The following CTNNBL1 variants were observed in gnomAD, a reference collection of about 807,000 sequenced individuals.
CTNNBL1 encodes catenin beta like 1, also known as beta-catenin-like protein 1.
A neutral mutation model predicts 72.7 loss-of-function variants in CTNNBL1; 31 were observed. The observed-to-expected ratio is 0.43, with a 90% confidence interval of 0.32 to 0.58. The LOEUF (loss-of-function observed/expected upper bound fraction) is 0.58. CTNNBL1 is among the 20% of genes least tolerant of loss of function. The probability of loss-of-function intolerance (pLI) is 0.08; values close to 1 mark genes in which losing one functional copy is unlikely to be tolerated. For synonymous variants in CTNNBL1, 240 were observed against 267.3 expected (o/e 0.90, Z 1.00); for missense variants, 534 against 725.1 (o/e 0.74, Z 3.03).
chr20:37,848,175 G>T (rs1387321343), intron 13 of CTNNBL1, among the ~76,000 whole-genome samples: 2 of 136,874 alleles, frequency 1.5e-5, no homozygotes, highest in Non-Finnish European at 3.1e-5. Flanking sequence ...TTTGAGACAG[G>T]ATCTCATTCT....
At chr20:37,730,117 G>A (rs1362080890) in intron 1 of CTNNBL1, among the ~76,000 whole-genome samples, 1 of 152,150 alleles carries the variant, frequency 6.6e-6, no homozygotes, top group African/African-American at 2.4e-5. Flanking sequence ...ATAAAGAGGG[G>A]AATGACTTTC....
chr20:37,743,804 A>G (rs771940264), intron 3 of CTNNBL1, among the ~76,000 whole-genome samples: 21 of 152,170 alleles, frequency 1.4e-4, no homozygotes, highest in Non-Finnish European at 2.6e-4. Context: ...CCCTATATCA[A>G]TACATTAAAA....
At chr20:37,828,831 C>T (rs1193345755) in intron 11 of CTNNBL1, among the ~76,000 whole-genome samples, 5 of 152,174 alleles carry the variant, frequency 3.3e-5, no homozygotes, top group Admixed American at 6.5e-5. Context: ...AGCACACATG[C>T]GTGACTCTTC....
chr20:37,732,763 G>C, intron 1 of CTNNBL1, 116 bp from the exon 2 acceptor site: 1 of 865,410 alleles, frequency 1.2e-6, no homozygotes, highest in Non-Finnish European at 1.7e-6. Flanking sequence ...AAACTCCTGG[G>C]CTCAAGAGAT....
chr20:37,794,091 A>G (rs1380510095), intron 10 of CTNNBL1, among the ~76,000 whole-genome samples: 1 of 152,188 alleles, frequency 6.6e-6, no homozygotes, highest in Non-Finnish European at 1.5e-5. Flanking sequence ...GTGGTCAGTT[A>G]TCTTTTTAAA....
chr20:37,740,735 A>G (rs533091472), intron 3 of CTNNBL1, among the ~76,000 whole-genome samples: 48 of 152,274 alleles, frequency 3.2e-4, no homozygotes, highest in Non-Finnish European at 5.9e-4. Flanking sequence ...CAGTGATGTC[A>G]TCATGTCATG....
chr20:37,731,705 C>T (rs2122596005), intron 1 of CTNNBL1, among the ~76,000 whole-genome samples: 1 of 152,298 alleles, frequency 6.6e-6, no homozygotes, highest in South Asian at 2.1e-4. Context: ...TTTCACTTTG[C>T]TTAATGTCTT....
intron 1 of CTNNBL1, among the ~76,000 whole-genome samples, chr20:37,712,201 G>T (rs988147489): frequency 6.6e-6 from 1 of 152,196 alleles, no homozygotes; most frequent in African/African-American, 2.4e-5. Flanking sequence ...AAGAAGCAGC[G>T]CTCTCCTTGT....
intron 11 of CTNNBL1, among the ~76,000 whole-genome samples, chr20:37,834,214 G>A (rs2072236215): frequency 6.6e-6 from 1 of 151,964 alleles, no homozygotes; most frequent in Non-Finnish European, 1.5e-5. Context: ...CCCTCTCTGT[G>A]CCACCAGCAC....
intron 7 of CTNNBL1, 93 bp downstream of exon 7, chr20:37,768,137 C>A: frequency 9.7e-7 from 1 of 1,030,912 alleles, no homozygotes; most frequent in South Asian, 1.4e-5. Context: ...TATGCTGGGC[C>A]ATATGATCTA....
chr20:37,851,519 A>G (rs889811061), intron 13 of CTNNBL1, among the ~76,000 whole-genome samples: 1 of 152,192 alleles, frequency 6.6e-6, no homozygotes, highest in African/African-American at 2.4e-5. Flanking sequence ...ATTTGTTTAT[A>G]TGCTAATACT....
intron 15 of CTNNBL1, among the ~76,000 whole-genome samples, chr20:37,870,088 G>A (rs2072570202): frequency 6.6e-6 from 1 of 151,772 alleles, no homozygotes; most frequent in African/African-American, 2.4e-5. Context: ...GCGTCTTAAG[G>A]ATCACTGTGC....
At chr20:37,741,253 A>G (rs186080398) in intron 3 of CTNNBL1, among the ~76,000 whole-genome samples, 4 of 152,210 alleles carry the variant, frequency 2.6e-5, no homozygotes, top group African/African-American at 9.6e-5. Flanking sequence ...TCCTAAAGAC[A>G]GTTCTCTGCA....
chr20:37,757,851 T>C (rs1299687707), intron 5 of CTNNBL1, among the ~76,000 whole-genome samples, 195 bp downstream of exon 5: 1 of 152,166 alleles, frequency 6.6e-6, no homozygotes, highest in Non-Finnish European at 1.5e-5. Flanking sequence ...CTGTGTCAGG[T>C]AGAGGCCTCG....
rs143879789 is a variant in CTNNBL1, at chr20:37,867,907, G to A, written c.1604-4018G>A. ...GGGTGAGGTTGAGGTGCCTGAGGGT[G>A]CAGCTTCCCCGGGCAGTGGATGAGC... On this transcript the variant is annotated intron_variant, in intron 15 of 15. Coordinates refer to ENST00000361383, the MANE Select transcript of CTNNBL1 (RefSeq NM_030877.5). 2.0e-5 allele frequency among the ~76,000 whole-genome samples: 3 copies of A among 152,304 alleles called. No homozygotes were observed. The East Asian group carries it at 5.8e-4, about 29-fold the overall frequency.
intron 13 of CTNNBL1, among the ~76,000 whole-genome samples, chr20:37,858,538 G>T (rs547128058): frequency 5.9e-5 from 9 of 152,350 alleles, no homozygotes; most frequent in African/African-American, 2.2e-4. Context: ...AGGCAGTAGG[G>T]CCCTGAGCTG....
chr20:37,720,618 A>G (rs1234576952), intron 1 of CTNNBL1, among the ~76,000 whole-genome samples: 1 of 152,240 alleles, frequency 6.6e-6, no homozygotes, highest in African/African-American at 2.4e-5. Flanking sequence ...TTAGAGGTCT[A>G]AATAGTCCAG....
At position 37,802,896 on chromosome 20, in the gene CTNNBL1, T is replaced by C. The variant is rs1334746531; in HGVS notation, c.1061T>C (p.Leu354Pro). 6.2e-7 allele frequency: 1 copy of C among 1,613,894 alleles called. No individual in the cohort carries two copies. Among genetic ancestry groups the C allele is most frequent in the Admixed American group, 1.7e-5 (1 of 60,012 alleles). ...REKKISRSSA[L>P]KVLDHAMIGP... ...AAGAAGATCTCCCGGAGCAGTGCCC[T>C]GAAAGTGCTGGACCATGCCATGATT... The change falls in exon 11 of 16, where the codon CTG becomes CCG. Residue 354 changes from leucine to proline, a missense_variant. Coordinates refer to ENST00000361383, the MANE Select transcript of CTNNBL1 (RefSeq NM_030877.5).
At chr20:37,863,321 C>T (rs2072507969) in intron 15 of CTNNBL1, among the ~76,000 whole-genome samples, 3 of 152,226 alleles carry the variant, frequency 2.0e-5, no homozygotes, top group Non-Finnish European at 4.4e-5. Context: ...GTGCCAGGCT[C>T]TGTGTCCAGT....
Sources: allele counts gnomAD v4.1 joint callset (sites outside exome capture counted in the v4.1 genomes callset), GRCh38; gene constraint gnomAD v4.1.1; transcripts MANE v1.5; gene names NCBI Gene and HGNC (gene_info 2026-07-23, HGNC 2026-07-21).